Variants in MGAT4C observed in about 807,000 individuals in gnomAD.
MGAT4C encodes MGAT4 family member C.
MGAT4C carries 19 observed loss-of-function variants against 40.1 expected under a neutral mutation model. The observed-to-expected ratio is 0.47, with a 90% confidence interval of 0.33 to 0.70. The LOEUF (loss-of-function observed/expected upper bound fraction) is 0.70, where lower values mean the gene tolerates loss of function less well. MGAT4C is among the 30% of genes least tolerant of loss of function. MGAT4C has a pLI of 0.02. For synonymous variants in MGAT4C, 181 were observed against 187.1 expected (o/e 0.97, Z 0.27); for missense variants, 491 against 563.2 (o/e 0.87, Z 1.30).
intron 1 of MGAT4C, among the ~76,000 whole-genome samples, chr12:86,223,895 C>T (rs1950977265): frequency 6.6e-6 from 1 of 152,172 alleles, no homozygotes; most frequent in Admixed American, 6.5e-5. Context: ...ACTACTATCA[C>T]TAGCACTACC....
At chr12:86,186,237 C>T (rs1253899566) in intron 1 of MGAT4C, among the ~76,000 whole-genome samples, 1 of 152,022 alleles carries the variant, frequency 6.6e-6, no homozygotes, top group Non-Finnish European at 1.5e-5. Flanking sequence ...TTTCTAGATC[C>T]TTTTTTAAAG....
At chr12:86,685,416 C>T (rs975956732) in intron 2 of MGAT4C, among the ~76,000 whole-genome samples, 7 of 152,112 alleles carry the variant, frequency 4.6e-5, no homozygotes, top group African/African-American at 1.7e-4. Context: ...GGTACCAGTG[C>T]CATGCTATTT....
chr12:86,367,524 G>C (rs541558978), intron 3 of MGAT4C, among the ~76,000 whole-genome samples: 11 of 152,160 alleles, frequency 7.2e-5, no homozygotes, highest in Non-Finnish European at 5.9e-5. Context: ...TCTGGACCAG[G>C]CATGGTGGCT....
At chr12:86,453,776 C>A (rs1957464565) in intron 2 of MGAT4C, among the ~76,000 whole-genome samples, 1 of 151,944 alleles carries the variant, frequency 6.6e-6, no homozygotes, top group African/African-American at 2.4e-5. Flanking sequence ...AACACATTTC[C>A]CCAGAAATTA....
chr12:86,436,811 G>T (rs1194280700), intron 2 of MGAT4C, among the ~76,000 whole-genome samples: 3 of 151,694 alleles, frequency 2.0e-5, no homozygotes, highest in Non-Finnish European at 4.4e-5. Flanking sequence ...GATACATTGA[G>T]ACCTTTTCCT....
intron 3 of MGAT4C, among the ~76,000 whole-genome samples, chr12:86,381,549 T>G (rs1205895470): frequency 6.6e-6 from 1 of 152,120 alleles, no homozygotes; most frequent in Non-Finnish European, 1.5e-5. Context: ...CTGCCAACAG[T>G]GAGGGCAGAT....
chr12:86,575,696 T>C, intron 2 of MGAT4C, among the ~76,000 whole-genome samples: 1 of 151,934 alleles, frequency 6.6e-6, no homozygotes, highest in Non-Finnish European at 1.5e-5. Context: ...ATTGATATGC[T>C]GATTTCCTTT....
At chr12:86,457,446 C>T (rs572504313) in intron 2 of MGAT4C, among the ~76,000 whole-genome samples, 2 of 151,980 alleles carry the variant, frequency 1.3e-5, no homozygotes, top group South Asian at 4.2e-4. Flanking sequence ...AGTGTAAATG[C>T]TTGATTTTAT....
rs1290376308 is a variant in MGAT4C at position 86,044,790 on chromosome 12, C to A, written c.-7+4884G>T. Reference sequence around the variant, plus strand: ...GCCAGGTTGGGGCCCTGGAGCAGACCTAGCTATGTTTTACTGCAGACGTTC... The same window carrying A: ...GCCAGGTTGGGGCCCTGGAGCAGACATAGCTATGTTTTACTGCAGACGTTC... On this transcript the variant is annotated intron_variant, in intron 2 of 4. Transcript: ENST00000611864. Among the ~76,000 whole-genome samples the A allele has an allele frequency of 2.6e-5, 4 of 152,052 alleles. No individual in the cohort carries two copies. In the East Asian group the frequency reaches 7.7e-4, roughly 29 times the overall value.
At chr12:86,337,647 C>T (rs60902071) in intron 3 of MGAT4C, among the ~76,000 whole-genome samples, 13,598 of 150,068 alleles carry the variant, frequency 0.091, 1,504 homozygotes, top group African/African-American at 0.25. Flanking sequence ...GATACAATAG[C>T]GGTGTGAGAA....
chr12:86,801,468 A>C (rs1252823037), intron 1 of MGAT4C, among the ~76,000 whole-genome samples: 1 of 151,882 alleles, frequency 6.6e-6, no homozygotes, highest in Non-Finnish European at 1.5e-5. Context: ...CATATAGAAA[A>C]AGAATCCAGG....
intron 4 of MGAT4C, among the ~76,000 whole-genome samples, chr12:86,283,699 T>G (rs1294911361): frequency 1.3e-5 from 2 of 152,086 alleles, no homozygotes; most frequent in Non-Finnish European, 2.9e-5. Context: ...GAGATATAAG[T>G]GTATTCTGTT....
chr12:86,104,119 G>A (rs549323349), intron 1 of MGAT4C, among the ~76,000 whole-genome samples: 4 of 151,978 alleles, frequency 2.6e-5, no homozygotes, highest in East Asian at 3.9e-4. Context: ...ATCCAAAGTT[G>A]GAAATTGGGA....
intron 4 of MGAT4C, 39 bp downstream of exon 4, chr12:85,983,484 T>C (rs199702032): frequency 2.7e-4 from 398 of 1,457,364 alleles, no homozygotes; most frequent in Non-Finnish European, 3.4e-4. Flanking sequence ...ATGCAAAATA[T>C]TTTATGTATT....
At chr12:86,108,515 C>T (rs556952137) in intron 1 of MGAT4C, among the ~76,000 whole-genome samples, 143 of 152,188 alleles carry the variant, frequency 9.4e-4, no homozygotes, top group African/African-American at 3.3e-3. Context: ...GACTAATTGA[C>T]CCTCTGTTCT....
chr12:86,417,020 T>A (rs1244441411), intron 3 of MGAT4C, among the ~76,000 whole-genome samples: 2 of 152,068 alleles, frequency 1.3e-5, no homozygotes, highest in Non-Finnish European at 2.9e-5. Flanking sequence ...AGACAATACA[T>A]TTCTATTTTT....
chr12:86,055,452 A>G (rs1310820640), intron 1 of MGAT4C, among the ~76,000 whole-genome samples: 3 of 152,116 alleles, frequency 2.0e-5, no homozygotes, highest in Non-Finnish European at 4.4e-5. Flanking sequence ...TGAGAACCAC[A>G]TGAGTAAATA....
intron 1 of MGAT4C, among the ~76,000 whole-genome samples, chr12:86,742,845 T>C (rs1049320162): frequency 1.3e-5 from 2 of 151,608 alleles, no homozygotes; most frequent in Admixed American, 6.6e-5. Flanking sequence ...AAATCTTCCA[T>C]CTTGATTAAA....
At chr12:86,257,809 G>A (rs1344641415), upstream of MGAT4C, among the ~76,000 whole-genome samples, 12 of 152,124 alleles carry the variant, frequency 7.9e-5, no homozygotes, top group Non-Finnish European at 1.2e-4. Flanking sequence ...GGGAGCAAGA[G>A]TTCTAGACTA....
Sources: gnomAD v4.1 joint callset for allele counts (sites outside exome capture counted in the v4.1 genomes callset) on GRCh38, gnomAD v4.1.1 for gene constraint, MANE v1.5 for transcripts, NCBI Gene and HGNC (gene_info 2026-07-23, HGNC 2026-07-21) for gene names.